SLC12A3: variants seen among roughly 807,000 people sequenced by gnomAD.
SLC12A3 encodes Na-Cl cotransporter.
SLC12A3 carries 104 observed loss-of-function variants against 121.0 expected under a neutral mutation model. The observed-to-expected ratio is 0.86, with a 90% CI of 0.73 to 1.01. SLC12A3 has a LOEUF of 1.01. Ranked by LOEUF, SLC12A3 falls within the 50% of genes least tolerant of loss-of-function variation. SLC12A3 has a pLI of 0.00. For synonymous variants in SLC12A3, 536 were observed against 533.4 expected (o/e 1.00, Z -0.07); for missense variants, 1,328 against 1,356.3 (o/e 0.98, Z 0.33).
intron 23 of SLC12A3, among the ~76,000 whole-genome samples, chr16:56,900,370 C>G (rs2055521421): frequency 6.6e-6 from 1 of 152,086 alleles, no homozygotes; most frequent in Non-Finnish European, 1.5e-5. Context: ...AGAGACAGAT[C>G]AGGGTGCCAA....
intron 20 of SLC12A3, among the ~76,000 whole-genome samples, chr16:56,892,480 A>T (rs952820620): frequency 7.9e-5 from 12 of 152,198 alleles, no homozygotes; most frequent in African/African-American, 2.9e-4. Flanking sequence ...TATTGCCAGG[A>T]GGTGGAGAAT....
At chr16:56,887,798 A>ATATATATTT (rs1433682477) in intron 17 of SLC12A3, 127 bp from the exon 18 acceptor site, 27 of 68,432 alleles carry the variant, frequency 3.9e-4, no homozygotes, top group African/African-American at 1.4e-3. Context: ...ATATATATAT[A>ATATATATTT]TTTTTTTTTT....
chr16:56,883,341 C>T (rs1261615491), intron 13 of SLC12A3, among the ~76,000 whole-genome samples: 3 of 138,428 alleles, frequency 2.2e-5, no homozygotes, highest in Non-Finnish European at 3.0e-5. Flanking sequence ...AGAGCAGTTG[C>T]ACGATCTCGG....
chr16:56,902,226 G>C, intron 23 of SLC12A3, 147 bp from the exon 24 acceptor site: 1 of 1,001,686 alleles, frequency 1.0e-6, no homozygotes, highest in East Asian at 2.6e-5. Context: ...ATTCAACATG[G>C]AAGCCACTTT....
At chr16:56,877,719 C>G (rs374214054) in intron 8 of SLC12A3, among the ~76,000 whole-genome samples, 90 of 152,360 alleles carry the variant, frequency 5.9e-4, no homozygotes, top group African/African-American at 2.0e-3. Context: ...AGCCCACCAC[C>G]CTGCCCCCAC....
intron 12 of SLC12A3, among the ~76,000 whole-genome samples, chr16:56,880,615 G>A (rs151035011): frequency 6.6e-6 from 1 of 152,282 alleles, no homozygotes; most frequent in Non-Finnish European, 1.5e-5. Flanking sequence ...TGGAGCATGG[G>A]ACAAGCTGAC....
In SLC12A3 at chr16:56,913,288, G is replaced by C. The variant is rs2055710602; in HGVS notation, c.2949G>C (p.Gly983=). The part of the protein sequence containing the change: ...IVITLPIGRK[G]KCPSSLYMAW... ...GCACTTTGCCCATAGGGAGGAAGGG[G>C]AAGTGCCCCAGCTCGCTGTACATGG... is the stretch of plus-strand genomic sequence containing the variant. The change falls in exon 26 of 26, where the codon GGG becomes GGC. Residue 983 remains glycine, a synonymous_variant. Coordinates refer to ENST00000563236, the MANE Select transcript of SLC12A3 (RefSeq NM_001126108.2). 4 of 1,614,080 alleles carry C rather than the reference G, an allele frequency of 2.5e-6. No individual in the cohort carries two copies. In the African/African-American group the frequency reaches 5.3e-5, roughly 22 times the overall value.
intron 8 of SLC12A3, among the ~76,000 whole-genome samples, chr16:56,876,802 C>T (rs2055169666): frequency 6.6e-6 from 1 of 152,198 alleles, no homozygotes; most frequent in Non-Finnish European, 1.5e-5. Context: ...CTTCCCATGG[C>T]AGGCCTGGCC....
At chr16:56,878,041 T>TCCCCCCCCCCCC in intron 8 of SLC12A3, 36 bp from the exon 9 acceptor site, 20 of 393,162 alleles carry the variant, frequency 5.1e-5, no homozygotes, top group South Asian at 8.5e-5. Flanking sequence ...CCTCTCTCCC[T>TCCCCCCCCCCCC]CCCTCCCTCC....
intron 11 of SLC12A3, 51 bp downstream of exon 11, chr16:56,879,700 A>G: frequency 7.2e-7 from 1 of 1,387,258 alleles, no homozygotes; most frequent in Non-Finnish European, 1.0e-6. Flanking sequence ...AGCCTGGGCT[A>G]GAGGCACAAT....
At chr16:56,869,455 G>A (rs1654558585) in intron 3 of SLC12A3, among the ~76,000 whole-genome samples, 1 of 152,170 alleles carries the variant, frequency 6.6e-6, no homozygotes, top group African/African-American at 2.4e-5. Context: ...AGCCTCCTAA[G>A]TAGCTGGGAT....
intron 2 of SLC12A3, 88 bp downstream of exon 2, chr16:56,867,304 C>T: frequency 3.7e-6 from 5 of 1,368,648 alleles, no homozygotes; most frequent in Non-Finnish European, 1.0e-6. Context: ...CTCTCAGGCC[C>T]TGGTGGGGCT....
chr16:56,885,913 C>T (rs2055304799), intron 15 of SLC12A3, among the ~76,000 whole-genome samples: 1 of 152,206 alleles, frequency 6.6e-6, no homozygotes, highest in African/African-American at 2.4e-5. Context: ...TAACTGGCCC[C>T]AGGTCACACA....
intron 3 of SLC12A3, among the ~76,000 whole-genome samples, chr16:56,869,362 C>G (rs1054204222): frequency 6.6e-6 from 1 of 152,082 alleles, no homozygotes; most frequent in Non-Finnish European, 1.5e-5. Context: ...AAGTCTCACT[C>G]TGTCACCCAG....
At chr16:56,871,435 C>A (rs2055095905) in intron 6 of SLC12A3, among the ~76,000 whole-genome samples, 1 of 152,224 alleles carries the variant, frequency 6.6e-6, no homozygotes, top group African/African-American at 2.4e-5. Flanking sequence ...TCAACTGAAT[C>A]ATGGATCCTG....
rs150325058 is a variant in SLC12A3 at position 56,894,618 on chromosome 16, A to G, written c.2609A>G (p.Asn870Ser). ...KIRVFVGGQI[N>S]RMDQERKAII... ...CGTGTGTTCGTAGGCGGCCAGATTAACAGGATGGACCAGGAGAGAAAGGCG... is the reference window on the plus strand; with the variant it reads ...CGTGTGTTCGTAGGCGGCCAGATTAGCAGGATGGACCAGGAGAGAAAGGCG... The change falls in exon 22 of 26, where the codon AAC (asparagine) becomes AGC (serine). Residue 870 changes from asparagine to serine, a missense_variant. By Grantham distance (46) the Asn-to-Ser change is conservative (BLOSUM62 1). Coordinates refer to ENST00000563236, the MANE Select transcript of SLC12A3 (RefSeq NM_001126108.2). 2.5e-6 allele frequency: 4 copies of G among 1,613,960 alleles called. No individual in the cohort carries two copies. Among genetic ancestry groups the G allele is most frequent in the African/African-American group, 2.7e-5 (2 of 74,908 alleles).
In SLC12A3 at chr16:56,886,356, C is replaced by G. The variant is rs2144728348; in HGVS notation, c.1926-8C>G. Reference sequence around the variant, plus strand: ...GATGGCTCCTGCCCTTTTCCCTTCCCTCCTCAGCCCCCAGTGCCTGGTGCT... The same window carrying G: ...GATGGCTCCTGCCCTTTTCCCTTCCGTCCTCAGCCCCCAGTGCCTGGTGCT... On this transcript the variant is annotated splice_region_variant and splice_polypyrimidine_tract_variant and intron_variant, in intron 15 of 25. Coordinates refer to ENST00000563236, the MANE Select transcript of SLC12A3 (RefSeq NM_001126108.2). 2 of 1,608,352 alleles carry G rather than the reference C, an allele frequency of 1.2e-6. No individual in the cohort carries two copies. The highest frequency in any genetic ancestry group is 1.7e-6 in the Non-Finnish European group (2 of 1,174,900).
intron 12 of SLC12A3, among the ~76,000 whole-genome samples, 179 bp downstream of exon 12, chr16:56,880,432 G>T (rs1446263600): frequency 6.6e-6 from 1 of 152,158 alleles, no homozygotes; most frequent in Non-Finnish European, 1.5e-5. Context: ...ACATCGGGGG[G>T]CCATGTGATC....
chr16:56,895,222 C>T (rs2055446548), intron 22 of SLC12A3, among the ~76,000 whole-genome samples: 1 of 126,274 alleles, frequency 7.9e-6, no homozygotes, highest in Admixed American at 8.6e-5. Context: ...GATGGATTCT[C>T]ACTCTGTCAC....
Sources: gnomAD v4.1 joint callset for allele counts (sites outside exome capture counted in the v4.1 genomes callset) on GRCh38, gnomAD v4.1.1 for gene constraint, MANE v1.5 for transcripts, NCBI Gene and HGNC (gene_info 2026-07-23, HGNC 2026-07-21) for gene names.